Variants in MAP4K4 observed in about 807,000 individuals in gnomAD.
The protein encoded by MAP4K4 is mitogen-activated protein kinase kinase kinase kinase 4, also known as HPK/GCK-like kinase HGK.
Under a neutral mutation model 189.6 loss-of-function variants are expected in MAP4K4, and 38 were observed. The ratio of observed to expected loss-of-function variants is 0.20; its 90% CI spans 0.15 to 0.26. The LOEUF is 0.26. MAP4K4 is among the 10% of genes least tolerant of loss of function. MAP4K4 has a pLI of 1.00. For synonymous variants in MAP4K4, 610 were observed against 624.3 expected (o/e 0.98, Z 0.34); for missense variants, 1,054 against 1,726.9 (o/e 0.61, Z 6.91).
At chr2:101,716,149 A>T (rs2048228618) in intron 2 of MAP4K4, among the ~76,000 whole-genome samples, 1 of 152,222 alleles carries the variant, frequency 6.6e-6, no homozygotes, top group South Asian at 2.1e-4. Flanking sequence ...ATATTCATTC[A>T]ACACAAAAAT....
intron 21 of MAP4K4, 105 bp from the exon 22 acceptor site, chr2:101,869,517 T>G: frequency 4.8e-6 from 4 of 840,264 alleles, no homozygotes; most frequent in Non-Finnish European, 7.7e-6. Context: ...ACTATAAAAG[T>G]CTTACAAAAC....
chr2:101,738,603 A>AT (rs1480572453), intron 2 of MAP4K4, among the ~76,000 whole-genome samples: 1 of 152,054 alleles, frequency 6.6e-6, no homozygotes, highest in Non-Finnish European at 1.5e-5. Flanking sequence ...TGGCCCAGTG[A>AT]TTTTTTAAAG....
exon 33 of MAP4K4, chr2:101,892,582 T>C (rs1170861589): frequency 3.5e-6 from 1 of 284,474 alleles, no homozygotes; most frequent in African/African-American, 2.3e-5. Flanking sequence ...TTCTTGGGGG[T>C]GGGGGAGTTT....
At chr2:101,838,608 G>GT (rs1248487162) in intron 9 of MAP4K4, among the ~76,000 whole-genome samples, 1 of 152,062 alleles carries the variant, frequency 6.6e-6, no homozygotes, top group African/African-American at 2.4e-5. Flanking sequence ...ACTGTAACAG[G>GT]TTTTTTCTTC....
intron 3 of MAP4K4, among the ~76,000 whole-genome samples, chr2:101,806,373 A>G (rs966449227): frequency 7.4e-6 from 1 of 135,994 alleles, no homozygotes; most frequent in Non-Finnish European, 1.6e-5. Context: ...CAGCTGTTTC[A>G]CTTTTTTTTT....
chr2:101,740,082 T>C (rs1330846178), intron 2 of MAP4K4, among the ~76,000 whole-genome samples: 1 of 151,926 alleles, frequency 6.6e-6, no homozygotes, highest in African/African-American at 2.4e-5. Flanking sequence ...CCTGGGAGGA[T>C]GGAAAGTACT....
Position 101,859,636 on chromosome 2 carries a change from C to A in MAP4K4, c.1483-7C>A. On this transcript the variant is annotated splice_polypyrimidine_tract_variant and splice_region_variant and intron_variant, in intron 14 of 32. Coordinates refer to ENST00000324219, the Ensembl canonical transcript of MAP4K4. ...ATAGATTTAGTGTTATCCTCTCCCT[C>A]TCCAAGGAGTGCCGATGGCGGGAGA... is the stretch of plus-strand genomic sequence containing the variant. The A allele has an allele frequency of 1.3e-6, 2 of 1,594,732 alleles. No individual in the cohort carries two copies. The highest frequency in any genetic ancestry group is 2.3e-5 in the South Asian group (2 of 88,014).
chr2:101,853,379 A>G (rs1426479893), intron 12 of MAP4K4, among the ~76,000 whole-genome samples: 1 of 152,230 alleles, frequency 6.6e-6, no homozygotes, highest in Non-Finnish European at 1.5e-5. Context: ...ATCCTTGGAA[A>G]GAGAAGATAC....
chr2:101,742,038 G>C (rs1434663342), intron 2 of MAP4K4, among the ~76,000 whole-genome samples: 2 of 152,110 alleles, frequency 1.3e-5, no homozygotes, highest in African/African-American at 4.8e-5. Flanking sequence ...GTATCTCTTT[G>C]GTTGTGAAGA....
chr2:101,757,263 T>C (rs2073356760), intron 2 of MAP4K4, among the ~76,000 whole-genome samples: 1 of 152,280 alleles, frequency 6.6e-6, no homozygotes, highest in Non-Finnish European at 1.5e-5. Context: ...AATACTTTTA[T>C]GTAATTCTCT....
At chr2:101,792,254 T>G (rs2093000740) in intron 3 of MAP4K4, among the ~76,000 whole-genome samples, 1 of 152,178 alleles carries the variant, frequency 6.6e-6, no homozygotes, top group Non-Finnish European at 1.5e-5. Flanking sequence ...GGTCTTTGCA[T>G]ATTTATTAAC....
chr2:101,777,794 C>T (rs2085072200), intron 2 of MAP4K4, among the ~76,000 whole-genome samples: 1 of 152,208 alleles, frequency 6.6e-6, no homozygotes, highest in African/African-American at 2.4e-5. Flanking sequence ...GTATCCCTAG[C>T]ATCTAGACCA....
At chr2:101,883,849 G>GTA (rs751724710) in intron 28 of MAP4K4, among the ~76,000 whole-genome samples, 4 of 152,118 alleles carry the variant, frequency 2.6e-5, no homozygotes, top group Admixed American at 1.3e-4. Context: ...AGCTGCCTCA[G>GTA]TATCTCTGAC....
chr2:101,709,791 G>C (rs2044397544), intron 2 of MAP4K4, among the ~76,000 whole-genome samples: 1 of 152,014 alleles, frequency 6.6e-6, no homozygotes, highest in Non-Finnish European at 1.5e-5. Flanking sequence ...TAAATGATTT[G>C]CTATGTGTTT....
At chr2:101,738,236 T>G (rs1278401905) in intron 2 of MAP4K4, among the ~76,000 whole-genome samples, 1 of 151,932 alleles carries the variant, frequency 6.6e-6, no homozygotes, top group African/African-American at 2.4e-5. Flanking sequence ...CACCAAAGAG[T>G]ACCATATATG....
exon 26 of MAP4K4, chr2:101,874,118 T>C (rs758676912): frequency 6.2e-7 from 1 of 1,613,812 alleles, no homozygotes; most frequent in Non-Finnish European, 8.5e-7. Flanking sequence ...CCAGAAGCCA[T>C]AAGGCAAGAT....
chr2:101,784,309 T>TG (rs1491411758), intron 2 of MAP4K4, among the ~76,000 whole-genome samples: 1 of 151,520 alleles, frequency 6.6e-6, no homozygotes, highest in Non-Finnish European at 1.5e-5. Flanking sequence ...TGTGTGTGTG[T>TG]TTTTAAACAC....
At chr2:101,790,663 T>C (rs1386341926) in intron 2 of MAP4K4, 57 bp from the exon 3 acceptor site, 4 of 1,269,624 alleles carry the variant, frequency 3.2e-6, no homozygotes, top group Non-Finnish European at 4.5e-6. Flanking sequence ...CATTTTGTTC[T>C]AATGATTGTG....
At chr2:101,731,912 C>T (rs1325942998) in intron 2 of MAP4K4, among the ~76,000 whole-genome samples, 8 of 152,038 alleles carry the variant, frequency 5.3e-5, no homozygotes, top group Non-Finnish European at 5.9e-5. Flanking sequence ...TTAGTGGATA[C>T]GTTTCTTTTC....
Sources: allele counts gnomAD v4.1 joint callset (sites outside exome capture counted in the v4.1 genomes callset), GRCh38; gene constraint gnomAD v4.1.1; transcripts MANE v1.5; gene names NCBI Gene and HGNC (gene_info 2026-07-23, HGNC 2026-07-21).